ABLIM1: variants seen among roughly 807,000 people sequenced by gnomAD.
The protein encoded by ABLIM1 is actin binding LIM protein 1, also known as actin-binding LIM protein 1.
A neutral mutation model predicts 107.0 loss-of-function variants in ABLIM1; 40 were observed. The observed-to-expected ratio is 0.37, with a 90% CI of 0.29 to 0.49. ABLIM1 has a LOEUF of 0.49. ABLIM1 is among the 20% of genes least tolerant of loss of function. The pLI is 0.97. For synonymous variants in ABLIM1, 357 were observed against 357.3 expected (o/e 1.00, Z 0.01); for missense variants, 857 against 1,008.5 (o/e 0.85, Z 2.04).
intron 1 of ABLIM1, among the ~76,000 whole-genome samples, chr10:114,766,213 T>A (rs529474259): frequency 1.3e-5 from 2 of 152,338 alleles, no homozygotes; most frequent in African/African-American, 4.8e-5. Flanking sequence ...TTAAATAATG[T>A]AACACATGTA....
chr10:114,481,391 T>C (rs1036023593), intron 8 of ABLIM1, among the ~76,000 whole-genome samples: 1 of 150,654 alleles, frequency 6.6e-6, no homozygotes, highest in African/African-American at 2.4e-5. Context: ...GGCAACTAGA[T>C]CAGAATGATC....
chr10:114,634,129 CTTTTTTTTTTT>C (rs745875295), intron 1 of ABLIM1, among the ~76,000 whole-genome samples: 1 of 68,298 alleles, frequency 1.5e-5, no homozygotes, highest in South Asian at 7.4e-4. Context: ...CTCAATTTTT[CTTTTTTTTTTT>C]TTTTTTTTTT....
chr10:114,478,925 CTGTCTATATTGAA>C (rs2056905405), intron 8 of ABLIM1, among the ~76,000 whole-genome samples: 5 of 152,110 alleles, frequency 3.3e-5, no homozygotes, highest in Non-Finnish European at 7.4e-5. Context: ...TTCTGTTTAC[CTGTCTATATTGAA>C]ATAATGGGAT....
chr10:114,602,664 C>T (rs1204068801), intron 1 of ABLIM1, among the ~76,000 whole-genome samples: 2 of 152,220 alleles, frequency 1.3e-5, no homozygotes, highest in Non-Finnish European at 2.9e-5. Context: ...CAACATGGAT[C>T]TCTCTGAACC....
intron 7 of ABLIM1, 88 bp downstream of exon 7, chr10:114,491,703 C>A: frequency 7.7e-7 from 1 of 1,305,866 alleles, no homozygotes; most frequent in Admixed American, 1.8e-5. Context: ...AATAACATGC[C>A]TCCTTCTCTA....
At chr10:114,577,995 T>A (rs2072808450) in intron 2 of ABLIM1, among the ~76,000 whole-genome samples, 1 of 152,176 alleles carries the variant, frequency 6.6e-6, no homozygotes, top group African/African-American at 2.4e-5. Flanking sequence ...AGGCTTTACT[T>A]TCCTGTTTCT....
At chr10:114,491,007 T>TCTA (rs2058868372) in intron 7 of ABLIM1, among the ~76,000 whole-genome samples, 1 of 110,160 alleles carries the variant, frequency 9.1e-6, no homozygotes, top group African/African-American at 4.2e-5. Flanking sequence ...TGTGTGTGTG[T>TCTA]GTGTGTATAT....
In ABLIM1 at chr10:114,491,720, A is replaced by G. The variant is rs3802738; in HGVS notation, c.982+71T>C. 1.1e-3 allele frequency: 1,615 copies of G among 1,451,318 alleles called. 65 individuals carry two copies. The East Asian group carries it at 0.036, about 33-fold the overall frequency. 89.9% of individuals were successfully genotyped at this position (1,451,318 alleles called of 1,614,324 possible). A position where few individuals can be genotyped will look rare whatever the true frequency, so the allele number is the denominator to read the frequency against. Reference sequence around the variant, plus strand: ...TAACATGCCTCCTTCTCTAAAAACAATCAAACAAACATAGCAAGATTTCCT... The same window carrying G: ...TAACATGCCTCCTTCTCTAAAAACAGTCAAACAAACATAGCAAGATTTCCT... On this transcript the variant is annotated intron_variant, in intron 7 of 22. Transcript: ENST00000533213.
At chr10:114,661,628 G>A (rs190998449), upstream of ABLIM1, among the ~76,000 whole-genome samples, 8 of 152,230 alleles carry the variant, frequency 5.3e-5, no homozygotes, top group South Asian at 2.1e-4. Context: ...TTTTGTGACC[G>A]TTTCTATGGT....
upstream of ABLIM1, among the ~76,000 whole-genome samples, chr10:114,662,002 A>C (rs1485541009): frequency 6.6e-6 from 1 of 152,192 alleles, no homozygotes; most frequent in Non-Finnish European, 1.5e-5. Flanking sequence ...ATTCTCCACA[A>C]ATGAACATGG....
In ABLIM1 at chr10:114,699,707, G is replaced by T. The variant is rs1277769034; in HGVS notation, c.-213+68354C>A. Among the ~76,000 whole-genome samples, 3 of 152,172 alleles carry T rather than the reference G, an allele frequency of 2.0e-5. No individual in the cohort carries two copies. The East Asian group carries it at 5.8e-4, about 29-fold the overall frequency. ...GGAAGTGAACATTAAAACCAATTGA[G>T]AGACATTGTTGAAATAAATATAAAT... On this transcript the variant is annotated intron_variant, in intron 1 of 15. Transcript: ENST00000651092.
At chr10:114,710,936 G>A (rs1265048919) in intron 1 of ABLIM1, among the ~76,000 whole-genome samples, 3 of 152,148 alleles carry the variant, frequency 2.0e-5, no homozygotes, top group Admixed American at 6.5e-5. Flanking sequence ...TATCCCTCAC[G>A]CATTCCAAAA....
intron 8 of ABLIM1, among the ~76,000 whole-genome samples, chr10:114,474,381 G>C (rs2067160456): frequency 1.0e-5 from 1 of 99,796 alleles, no homozygotes; most frequent in Non-Finnish European, 1.9e-5. Flanking sequence ...TGGATAGAGA[G>C]ACCTTTTTTT....
At chr10:114,696,525 A>C (rs747308577) in intron 1 of ABLIM1, among the ~76,000 whole-genome samples, 1 of 151,986 alleles carries the variant, frequency 6.6e-6, no homozygotes, top group African/African-American at 2.4e-5. Context: ...CATAATTCTC[A>C]TGTGTTGTGG....
chr10:114,716,443 A>ACACC (rs769945611), intron 1 of ABLIM1, among the ~76,000 whole-genome samples: 1 of 148,168 alleles, frequency 6.7e-6, no homozygotes, highest in African/African-American at 2.5e-5. Flanking sequence ...ACACACACAC[A>ACACC]CCCCTCCCCA....
chr10:114,505,618 G>A (rs2061021101), intron 6 of ABLIM1, among the ~76,000 whole-genome samples: 1 of 152,200 alleles, frequency 6.6e-6, no homozygotes, highest in African/African-American at 2.4e-5. Flanking sequence ...GTTGCAATAA[G>A]CATTCAGAAG....
chr10:114,526,782 A>G lies in ABLIM1; in HGVS notation c.894+18223T>C, dbSNP rs908210676. On this transcript the variant is annotated intron_variant, in intron 6 of 22. Coordinates refer to ENST00000533213, the MANE Select transcript of ABLIM1 (RefSeq NM_002313.7). Reference sequence around the variant, plus strand: ...TGTAGATGCCAGACCTCAGCCCGACAGACTGAGGCTCCCACCTGCCTGGGT... The same window carrying G: ...TGTAGATGCCAGACCTCAGCCCGACGGACTGAGGCTCCCACCTGCCTGGGT... 5.1e-6 allele frequency: 5 copies of G among 985,422 alleles called. No homozygotes were observed. In the African/African-American group the frequency reaches 8.7e-5, roughly 17 times the overall value. 61.0% of individuals were successfully genotyped at this position (985,422 alleles called of 1,614,324 possible). A position where few individuals can be genotyped will look rare whatever the true frequency, so the allele number is the denominator to read the frequency against.
intron 13 of ABLIM1, among the ~76,000 whole-genome samples, chr10:114,452,810 G>A (rs950324959): frequency 2.6e-5 from 4 of 152,178 alleles, no homozygotes; most frequent in African/African-American, 4.8e-5. Context: ...CTAGAGCAAA[G>A]CTTGCAGCAC....
chr10:114,634,400 G>C (rs1458952355), intron 1 of ABLIM1, among the ~76,000 whole-genome samples: 1 of 151,778 alleles, frequency 6.6e-6, no homozygotes, highest in African/African-American at 2.4e-5. Flanking sequence ...CCAAAGTGCT[G>C]GGATTACAGG....
Sources: allele counts gnomAD v4.1 joint callset (sites outside exome capture counted in the v4.1 genomes callset), GRCh38; gene constraint gnomAD v4.1.1; transcripts MANE v1.5; gene names NCBI Gene and HGNC (gene_info 2026-07-23, HGNC 2026-07-21).